Variants in SYN2 observed in about 807,000 individuals in gnomAD.
The protein encoded by SYN2 is synapsin II.
Under a neutral mutation model 50.9 loss-of-function variants are expected in SYN2, and 19 were observed. That is an observed-to-expected ratio of 0.37 (90% CI 0.26 to 0.55). The LOEUF is 0.55. SYN2 is among the 20% of genes least tolerant of loss of function. The probability of loss-of-function intolerance (pLI) is 0.81; values close to 1 mark genes in which losing one functional copy is unlikely to be tolerated. For synonymous variants in SYN2, 255 were observed against 224.9 expected, an observed-to-expected ratio of 1.13 and a Z score of -1.20; for missense variants, 587 against 576.4, an observed-to-expected ratio of 1.02 and a Z score of -0.19.
At chr3:12,071,435 G>T in intron 1 of SYN2, 1 of 519,638 alleles carries the variant, frequency 1.9e-6, no homozygotes, top group Non-Finnish European at 3.9e-6. Flanking sequence ...CCTGGCAAAT[G>T]CATACACTTC....
chr3:12,006,408 A>G (rs1307349757), intron 1 of SYN2, among the ~76,000 whole-genome samples: 1 of 152,176 alleles, frequency 6.6e-6, no homozygotes, highest in Non-Finnish European at 1.5e-5. Flanking sequence ...AATTACTCTG[A>G]CTCAGTTCAT....
intron 11 of SYN2, among the ~76,000 whole-genome samples, chr3:12,187,099 C>T (rs1253759820): frequency 6.6e-6 from 1 of 152,174 alleles, no homozygotes; most frequent in East Asian, 1.9e-4. Context: ...GAGAGTGCGC[C>T]TCTGACGGGG....
intron 1 of SYN2, among the ~76,000 whole-genome samples, chr3:12,137,895 T>C (rs1452603126): frequency 6.6e-6 from 1 of 152,176 alleles, no homozygotes; most frequent in African/African-American, 2.4e-5. Context: ...TTATATAATT[T>C]TAAAGATAGA....
intron 1 of SYN2, among the ~76,000 whole-genome samples, chr3:12,079,505 A>G (rs577254605): frequency 1.3e-5 from 2 of 152,190 alleles, no homozygotes; most frequent in African/African-American, 4.8e-5. Flanking sequence ...AGAGTTTTTA[A>G]CGTGAAGGTA....
intron 5 of SYN2, chr3:12,156,935 C>T: frequency 6.2e-7 from 1 of 1,611,468 alleles, no homozygotes; most frequent in Non-Finnish European, 8.5e-7. Flanking sequence ...CTTTGAACAT[C>T]TGACAGGCAA....
chr3:12,180,465 C>T (rs369260394), intron 10 of SYN2, among the ~76,000 whole-genome samples: 3 of 152,208 alleles, frequency 2.0e-5, no homozygotes, highest in Non-Finnish European at 4.4e-5. Context: ...CTGTGGAATT[C>T]GGCATCCCAG....
intron 1 of SYN2, among the ~76,000 whole-genome samples, chr3:12,014,837 A>C (rs1337657907): frequency 6.6e-6 from 1 of 152,170 alleles, no homozygotes; most frequent in Non-Finnish European, 1.5e-5. Flanking sequence ...GGAATGGTTT[A>C]ACTTCCCCAT....
At chr3:12,049,532 T>A (rs61039565) in intron 1 of SYN2, among the ~76,000 whole-genome samples, 96,740 of 150,474 alleles carry the variant, frequency 0.64, 33,594 homozygotes, top group South Asian at 0.79. Context: ...AAAAAAAAAA[T>A]AATAAAAAAT....
chr3:12,070,288 G>T, intron 1 of SYN2: 1 of 489,830 alleles, frequency 2.0e-6, no homozygotes. Context: ...AGCTGGATTT[G>T]CTGGGGACGA....
At chr3:12,005,193 T>C (rs1486123935) in intron 1 of SYN2, among the ~76,000 whole-genome samples, 1 of 152,088 alleles carries the variant, frequency 6.6e-6, no homozygotes, top group African/African-American at 2.4e-5. Flanking sequence ...AAGGAGCTAC[T>C]TTATGCAACA....
At chr3:12,158,534 C>T (rs1331181834) in intron 5 of SYN2, 6 of 980,036 alleles carry the variant, frequency 6.1e-6, no homozygotes, top group Non-Finnish European at 5.9e-6. Flanking sequence ...TCTGGGCTTG[C>T]AAGGTTGCTA....
At chr3:12,029,851 T>C (rs1694343062) in intron 1 of SYN2, among the ~76,000 whole-genome samples, 1 of 101,746 alleles carries the variant, frequency 9.8e-6, no homozygotes, top group Non-Finnish European at 1.8e-5. Flanking sequence ...CCTCTTTTCC[T>C]AATTGAATAC....
intron 5 of SYN2, among the ~76,000 whole-genome samples, chr3:12,155,944 A>G (rs1356742636): frequency 6.6e-6 from 1 of 152,158 alleles, no homozygotes; most frequent in Non-Finnish European, 1.5e-5. Context: ...TCAGTTCTGT[A>G]CAATTCCACA....
At chr3:12,064,650 G>T (rs185236510) in intron 1 of SYN2, among the ~76,000 whole-genome samples, 2 of 152,142 alleles carry the variant, frequency 1.3e-5, no homozygotes, top group Middle Eastern at 3.4e-3. Context: ...TAGTTCTAAC[G>T]GAAGTGTGTC....
At chr3:12,078,001 A>G (rs532081491) in intron 1 of SYN2, among the ~76,000 whole-genome samples, 3 of 152,218 alleles carry the variant, frequency 2.0e-5, no homozygotes, top group Admixed American at 6.5e-5. Flanking sequence ...TGACTTTTTA[A>G]TAATCGCCAT....
chr3:12,042,038 A>G (rs1694629857), intron 1 of SYN2, among the ~76,000 whole-genome samples: 1 of 152,180 alleles, frequency 6.6e-6, no homozygotes, highest in Non-Finnish European at 1.5e-5. Flanking sequence ...TTTCCAAATA[A>G]TTTAGTGACA....
intron 1 of SYN2, among the ~76,000 whole-genome samples, chr3:12,122,795 G>GGT (rs1262963132): frequency 6.6e-6 from 1 of 151,932 alleles, no homozygotes; most frequent in Non-Finnish European, 1.5e-5. Context: ...CTCTTAAGCT[G>GGT]TTAAAAAATC....
chr3:12,005,031 A>C, intron 1 of SYN2, 103 bp downstream of exon 1: 2 of 383,008 alleles, frequency 5.2e-6, no homozygotes, highest in South Asian at 8.7e-5. Context: ...CAGACCAATA[A>C]AAAGGAGGGT....
chr3:12,068,817 A>G (rs898746126), intron 1 of SYN2, among the ~76,000 whole-genome samples: 1 of 152,110 alleles, frequency 6.6e-6, no homozygotes, highest in African/African-American at 2.4e-5. Context: ...AATGGTTTTT[A>G]GTACATCTGC....
Sources: gnomAD v4.1 joint callset for allele counts (sites outside exome capture counted in the v4.1 genomes callset) on GRCh38, gnomAD v4.1.1 for gene constraint, MANE v1.5 for transcripts, NCBI Gene and HGNC (gene_info 2026-07-23, HGNC 2026-07-21) for gene names.